The following INSL6 variants were observed in gnomAD, a reference collection of about 807,000 sequenced individuals.
INSL6 encodes the protein insulin like 6.
Under a neutral mutation model 9.4 loss-of-function variants are expected in INSL6, and 16 were observed. The ratio of observed to expected loss-of-function variants is 1.70; its 90% CI spans 1.15 to 2.59. INSL6 has a LOEUF of 2.59. Among genes scored for constraint, INSL6 ranks in the 30% most tolerant of loss-of-function variants. The pLI is 0.00. For missense variants in INSL6, 391 were observed against 257.3 expected (o/e 1.52, Z -3.56); for synonymous variants, 154 against 96.9 (o/e 1.59, Z -3.46).
At chr9:5,084,442 C>G in the INSL6 span, among the ~76,000 whole-genome samples, 1 of 152,020 alleles carries the variant, frequency 6.6e-6, no homozygotes, top group Non-Finnish European at 1.5e-5. Flanking sequence ...CCTTTGTTAT[C>G]CTTTTCAATT....
the INSL6 span, chr9:5,111,676 G>A: frequency 2.4e-6 from 1 of 420,228 alleles, no homozygotes; most frequent in South Asian, 1.8e-5. Flanking sequence ...GCGGCCCTGT[G>A]GGCAGTGGCG....
chr9:5,060,115 G>A, the INSL6 span, among the ~76,000 whole-genome samples: 1 of 152,144 alleles, frequency 6.6e-6, no homozygotes, highest in Non-Finnish European at 1.5e-5. Flanking sequence ...GTGTGCAACA[G>A]CATTATGTCT....
the INSL6 span, among the ~76,000 whole-genome samples, chr9:5,117,099 G>C: frequency 4.6e-5 from 7 of 152,288 alleles, no homozygotes; most frequent in African/African-American, 1.4e-4. Context: ...TCCTCTAAAA[G>C]ATGTGGCAAC....
At chr9:5,118,625 C>T in the INSL6 span, among the ~76,000 whole-genome samples, 4 of 152,118 alleles carry the variant, frequency 2.6e-5, no homozygotes, top group African/African-American at 9.7e-5. Context: ...CAAGATTAAG[C>T]ATAAATTCTG....
intron 2 of INSL6, chr9:5,133,696 C>G (rs1824335140): frequency 6.6e-6 from 1 of 151,934 alleles, no homozygotes; most frequent in African/African-American, 2.4e-5. Flanking sequence ...CAAAGGTCAC[C>G]AACATGAAGA....
chr9:5,184,507 A>G (rs1451393044), intron 1 of INSL6, among the ~76,000 whole-genome samples: 2 of 152,224 alleles, frequency 1.3e-5, no homozygotes, highest in African/African-American at 2.4e-5. Context: ...TTCAGCGCAT[A>G]TTAAACACAT....
At chr9:5,122,277 C>T (rs945443036), downstream of INSL6, among the ~76,000 whole-genome samples, 14 of 152,130 alleles carry the variant, frequency 9.2e-5, no homozygotes, top group Admixed American at 7.2e-4. Flanking sequence ...TAGGCCAAAA[C>T]GTTCCCTTGG....
the INSL6 span, among the ~76,000 whole-genome samples, chr9:5,015,144 T>C: frequency 5.9e-5 from 9 of 152,226 alleles, no homozygotes; most frequent in Non-Finnish European, 7.3e-5. Flanking sequence ...ACAGATTCTG[T>C]AGTATAAATG....
the INSL6 span, chr9:5,094,468 A>C: frequency 2.0e-5 from 3 of 152,186 alleles, no homozygotes; most frequent in Non-Finnish European, 4.4e-5. Context: ...ACTGATCGGC[A>C]CACTACGAGC....
chr9:5,033,397 A>G, the INSL6 span, among the ~76,000 whole-genome samples: 2 of 152,212 alleles, frequency 1.3e-5, no homozygotes, highest in African/African-American at 4.8e-5. Flanking sequence ...GAACGCCACA[A>G]AGATACTCCT....
chr9:5,103,881 C>T, the INSL6 span, among the ~76,000 whole-genome samples: 3 of 152,152 alleles, frequency 2.0e-5, no homozygotes, highest in African/African-American at 7.2e-5. Context: ...AGAACAAAGA[C>T]ACAGCATACC....
chr9:5,051,885 C>A, the INSL6 span, among the ~76,000 whole-genome samples: 2 of 151,962 alleles, frequency 1.3e-5, no homozygotes, highest in African/African-American at 4.8e-5. Context: ...TTTCAGATGT[C>A]TGTTAGGTCT....
the INSL6 span, among the ~76,000 whole-genome samples, chr9:5,001,581 A>G: frequency 1.0e-4 from 15 of 150,026 alleles, no homozygotes; most frequent in African/African-American, 3.2e-4. Flanking sequence ...TCCTGGTTCT[A>G]TGTTCTATTA....
the INSL6 span, among the ~76,000 whole-genome samples, chr9:5,037,868 A>G: frequency 1.3e-5 from 2 of 152,330 alleles, no homozygotes; most frequent in East Asian, 3.9e-4. Flanking sequence ...GAAAAAAATG[A>G]AAAGGCAAAT....
intron 2 of INSL6, among the ~76,000 whole-genome samples, chr9:5,153,320 C>G (rs955308301): frequency 1.3e-5 from 2 of 152,172 alleles, no homozygotes; most frequent in African/African-American, 2.4e-5. Context: ...GCACAGCAGT[C>G]TAAGCCCCAC....
At chr9:4,994,488 C>T in the INSL6 span, among the ~76,000 whole-genome samples, 3 of 152,074 alleles carry the variant, frequency 2.0e-5, no homozygotes, top group Non-Finnish European at 4.4e-5. Flanking sequence ...GATCTGGGGC[C>T]TAGATTGTGA....
the INSL6 span, among the ~76,000 whole-genome samples, chr9:5,032,766 A>C: frequency 6.6e-6 from 1 of 152,228 alleles, no homozygotes; most frequent in Non-Finnish European, 1.5e-5. Context: ...CATCAAAGAC[A>C]AAAGGTAGAT....
intron 3 of INSL6, chr9:5,127,851 G>T (rs1824098865): frequency 4.3e-6 from 1 of 232,488 alleles, no homozygotes; most frequent in Non-Finnish European, 8.5e-6. Context: ...TGCAGTCATA[G>T]AAGAGATTTA....
chr9:5,011,176 A>G, the INSL6 span, among the ~76,000 whole-genome samples: 1 of 152,180 alleles, frequency 6.6e-6, no homozygotes, highest in Admixed American at 6.5e-5. Flanking sequence ...ACATTTAGCC[A>G]GTATTTTTTC....
Sources: allele counts gnomAD v4.1 joint callset (sites outside exome capture counted in the v4.1 genomes callset), GRCh38; gene constraint gnomAD v4.1.1; transcripts MANE v1.5; gene names NCBI Gene and HGNC (gene_info 2026-07-23, HGNC 2026-07-21).